Variants in PTGFRN observed in about 807,000 individuals in gnomAD.
The protein encoded by PTGFRN is prostaglandin F2 receptor inhibitor, also known as prostaglandin F2 receptor negative regulator.
Under a neutral mutation model 83.2 loss-of-function variants are expected in PTGFRN, and 35 were observed. The observed-to-expected ratio is 0.42, with a 90% CI of 0.32 to 0.56. The LOEUF is 0.56. Among genes scored for constraint, PTGFRN ranks in the 20% least tolerant of loss-of-function variants. The pLI is 0.11. For missense variants in PTGFRN, 1,051 were observed against 1,179.5 expected (o/e 0.89, Z 1.60); for synonymous variants, 519 against 498.6 (o/e 1.04, Z -0.55).
intron 1 of PTGFRN, among the ~76,000 whole-genome samples, chr1:116,910,539 T>C (rs1649240673): frequency 6.6e-6 from 1 of 151,834 alleles, no homozygotes; most frequent in Non-Finnish European, 1.5e-5. Flanking sequence ...CGGGGCCGTC[T>C]TTCCCCCAGG....
At chr1:116,949,927 A>G (rs1483106887) in intron 4 of PTGFRN, among the ~76,000 whole-genome samples, 3 of 152,182 alleles carry the variant, frequency 2.0e-5, no homozygotes, top group Non-Finnish European at 4.4e-5. Context: ...TTAGACTCCT[A>G]GGTGCTCCCT....
rs143276004 is a variant in PTGFRN at position 116,985,939 on chromosome 1, A to G, written c.2474-862A>G. On this transcript the variant is annotated intron_variant, in intron 8 of 8. Coordinates refer to ENST00000393203, the MANE Select transcript of PTGFRN (RefSeq NM_020440.4). ...TGGAAAATTTCAGAAAGTACATGTT[A>G]GTCGAAATAACTCCATAAAGAGAAT... 1.4e-3 allele frequency among the ~76,000 whole-genome samples: 212 copies of G among 152,340 alleles called. 2 individuals are homozygous for G. The highest frequency in any genetic ancestry group is 4.8e-3 in the African/African-American group (200 of 41,576).
At position 116,941,199 on chromosome 1, in the gene PTGFRN, A is replaced by G. The variant is rs1286045515; in HGVS notation, c.50-516A>G. ...TTAAAATTAATTTATAGGCAATGTC[A>G]GATAACAGGAGTTAAATCATTTTAT... is the stretch of plus-strand genomic sequence containing the variant. On this transcript the variant is annotated intron_variant, in intron 1 of 8. Coordinates refer to ENST00000393203, the MANE Select transcript of PTGFRN (RefSeq NM_020440.4). This position sits in a 1 kb window ranked among gnomAD's most constrained non-coding sequence, Gnocchi z 5.0. Among the ~76,000 whole-genome samples the G allele has an allele frequency of 6.6e-6, 1 of 152,238 alleles. No individual in the cohort carries two copies. Among genetic ancestry groups the G allele is most frequent in the Non-Finnish European group, 1.5e-5 (1 of 68,028 alleles).
At chr1:116,964,011 C>T (rs1266516663) in intron 5 of PTGFRN, among the ~76,000 whole-genome samples, 1 of 151,968 alleles carries the variant, frequency 6.6e-6, no homozygotes, top group Non-Finnish European at 1.5e-5. Flanking sequence ...AACTCCTGAC[C>T]TCAAACGATC....
intron 3 of PTGFRN, among the ~76,000 whole-genome samples, chr1:116,945,903 C>G (rs1242623645): frequency 1.3e-5 from 2 of 152,168 alleles, no homozygotes; most frequent in African/African-American, 4.8e-5. Context: ...GTGCTCAGCT[C>G]TGTTCTGGGC....
intron 1 of PTGFRN, among the ~76,000 whole-genome samples, chr1:116,926,467 T>C (rs1004126105): frequency 1.3e-5 from 2 of 152,252 alleles, no homozygotes; most frequent in African/African-American, 4.8e-5. Flanking sequence ...TTTCTATCTC[T>C]GGTCCTTGGA....
At position 116,944,748 on chromosome 1, in the gene PTGFRN, A is replaced by T. The variant is rs1650146579; in HGVS notation, c.488A>T (p.Glu163Val). 1.3e-6 allele frequency: 2 copies of T among 1,487,144 alleles called. No individual in the cohort carries two copies. Among genetic ancestry groups the T allele is most frequent in the Admixed American group, 2.4e-5 (1 of 41,406 alleles). The allele number at this position is 1,487,144 out of a possible 1,614,324, so 92.1% of individuals were successfully genotyped here. ...PPPSLSLREG[E>V]PFELRCTAAS... Reference sequence around the variant, plus strand: ...CCGAGCCTGAGCCTGCGGGAGGGGGAGCCCTTCGAGCTGCGCTGCACCGCC... The same window carrying T: ...CCGAGCCTGAGCCTGCGGGAGGGGGTGCCCTTCGAGCTGCGCTGCACCGCC... The change falls in exon 3 of 9, where the codon GAG becomes GTG. Residue 163 changes from glutamate (E) to valine (V), a missense_variant. Coordinates refer to ENST00000393203, the MANE Select transcript of PTGFRN (RefSeq NM_020440.4).
intron 1 of PTGFRN, among the ~76,000 whole-genome samples, chr1:116,934,095 C>CATATAAA (rs1649863515): frequency 1.3e-5 from 2 of 152,010 alleles, no homozygotes; most frequent in African/African-American, 4.8e-5. Context: ...CCCTGGGCTT[C>CATATAAA]AGTTTGGATA....
At chr1:116,981,837 T>C (rs1443928753) in intron 7 of PTGFRN, among the ~76,000 whole-genome samples, 1 of 152,240 alleles carries the variant, frequency 6.6e-6, no homozygotes, top group African/African-American at 2.4e-5. Flanking sequence ...CTGCAGGCTG[T>C]AATTTACTGA....
Position 116,967,164 on chromosome 1 carries a change from A to G in PTGFRN, c.1893A>G (p.Glu631=), listed in dbSNP as rs556346080. ...DASRVDGVVL[E]KVQEDEFRYR... is the part of the protein sequence containing the mutation. Reference sequence around the variant, plus strand: ...CACGGGTGGATGGCGTTGTTTTAGAAAAAGTGCAGGAGGATGAGTTCCGCT... The same window carrying G: ...CACGGGTGGATGGCGTTGTTTTAGAGAAAGTGCAGGAGGATGAGTTCCGCT... Residue 631 remains glutamate, a synonymous_variant, in exon 6 of 9, where the codon GAA becomes GAG. Transcript: ENST00000393203. 22 of 1,614,202 alleles carry G rather than the reference A, an allele frequency of 1.4e-5. No individual in the cohort carries two copies. The Admixed American group carries it at 2.7e-4, about 20-fold the overall frequency.
At position 116,953,955 on chromosome 1, in the gene PTGFRN, C is replaced by A. The variant is rs188041514; in HGVS notation, c.1213+4383C>A. ...GCAACCTCCGCCTCCCAGATTCAAG[C>A]GATTCTCCTGCCCTAGCCTCCCAAG... On this transcript the variant is annotated intron_variant, in intron 4 of 8. Transcript: ENST00000393203. 3.9e-3 allele frequency among the ~76,000 whole-genome samples: 592 copies of A among 151,028 alleles called. 4 individuals carry two copies. The highest frequency in any genetic ancestry group is 0.026 in the South Asian group (126 of 4,784).
chr1:116,916,251 T>C (rs1487430724), intron 1 of PTGFRN, among the ~76,000 whole-genome samples: 1 of 152,176 alleles, frequency 6.6e-6, no homozygotes, highest in Non-Finnish European at 1.5e-5. Flanking sequence ...TTGGGATATT[T>C]CATAGGAGTG....
chr1:116,927,626 C>T (rs1344580993), intron 1 of PTGFRN, among the ~76,000 whole-genome samples: 2 of 151,010 alleles, frequency 1.3e-5, no homozygotes, highest in African/African-American at 2.5e-5. Context: ...CTTTGCTTCC[C>T]AGGCTCAAGC....
intron 1 of PTGFRN, among the ~76,000 whole-genome samples, chr1:116,940,348 C>T (rs1650030100): frequency 6.6e-6 from 1 of 152,174 alleles, no homozygotes; most frequent in Non-Finnish European, 1.5e-5. Context: ...TCCACTTAAT[C>T]TCTGCCTTAT....
intron 5 of PTGFRN, among the ~76,000 whole-genome samples, chr1:116,962,690 C>T (rs10923182): frequency 0.22 from 32,835 of 152,014 alleles, 3,800 homozygotes; most frequent in East Asian, 0.44. Flanking sequence ...TAACTGAAAC[C>T]CCTCCACAGT....
intron 1 of PTGFRN, among the ~76,000 whole-genome samples, chr1:116,912,575 T>C (rs1050624264): frequency 1.3e-5 from 2 of 152,230 alleles, no homozygotes; most frequent in African/African-American, 4.8e-5. Flanking sequence ...CTACGGCTAC[T>C]GTCTTAGCCC....
chr1:116,964,079 G>C (rs1039689598), intron 5 of PTGFRN, among the ~76,000 whole-genome samples: 89 of 151,656 alleles, frequency 5.9e-4, no homozygotes, highest in African/African-American at 2.1e-3. Context: ...CGTGCCGGGC[G>C]CCCCCCCTTT....
chr1:116,920,043 G>A (rs956371930), intron 1 of PTGFRN, among the ~76,000 whole-genome samples: 2 of 152,230 alleles, frequency 1.3e-5, no homozygotes, highest in Non-Finnish European at 2.9e-5. Context: ...CCCAGCCCTG[G>A]CTTCCTGCCC....
chr1:116,967,059 C>T lies in PTGFRN; in HGVS notation c.1788C>T (p.Leu596=), dbSNP rs1344818482. 6.2e-7 allele frequency: 1 copy of T among 1,614,230 alleles called. No individual in the cohort carries two copies. The highest frequency in any genetic ancestry group is 8.5e-7 in the Non-Finnish European group (1 of 1,180,050). Residue 596 remains leucine, a synonymous_variant, in exon 6 of 9, where the codon CTC becomes CTT. Transcript: ENST00000393203. ...TGGCTGAGAAGCCTGTCGGCGACCT[C>T]TCCAGTCCCAATGAAACGAAGTACA... The part of the protein sequence containing the change: ...LIMAEKPVGD[L]SSPNETKYII...
Sources: allele counts gnomAD v4.1 joint callset (sites outside exome capture counted in the v4.1 genomes callset), GRCh38; gene constraint gnomAD v4.1.1; non-coding constraint Gnocchi (gnomAD v3.1); transcripts MANE v1.5; gene names NCBI Gene and HGNC (gene_info 2026-07-23, HGNC 2026-07-21).